The following ANKRD11 variants were observed in gnomAD, a reference collection of about 807,000 sequenced individuals.
ANKRD11 encodes ankyrin repeat domain 11, also known as ankyrin repeat domain-containing protein 11.
In ANKRD11, 17 loss-of-function variants were observed where a neutral mutation model predicts 195.7. The ratio of observed to expected loss-of-function variants is 0.09; its 90% CI spans 0.06 to 0.13. The LOEUF (loss-of-function observed/expected upper bound fraction) is 0.13, where lower values mean the gene tolerates loss of function less well. Among genes scored for constraint, ANKRD11 ranks in the 10% least tolerant of loss-of-function variants. The pLI, the probability that ANKRD11 is intolerant of heterozygous loss-of-function variation, is 1.00. For synonymous variants in ANKRD11, 1,953 were observed against 1,528.1 expected, an observed-to-expected ratio of 1.28 and a Z score of -6.49; for missense variants, 3,735 against 3,566.1, an observed-to-expected ratio of 1.05 and a Z score of -1.21.
chr16:89,394,768 T>G (rs1330150439), intron 2 of ANKRD11, among the ~76,000 whole-genome samples: 2 of 152,138 alleles, frequency 1.3e-5, no homozygotes, highest in African/African-American at 4.8e-5. Flanking sequence ...TGCTGTAAAA[T>G]TACACACAGC....
chr16:89,328,252 G>A (rs982291822), intron 2 of ANKRD11, among the ~76,000 whole-genome samples: 3 of 152,220 alleles, frequency 2.0e-5, no homozygotes, highest in Admixed American at 6.5e-5. Context: ...CTGTGGGAAC[G>A]CAAAGTGGTG....
chr16:89,348,563 G>C (rs547347881), intron 2 of ANKRD11, among the ~76,000 whole-genome samples: 1 of 152,178 alleles, frequency 6.6e-6, no homozygotes, highest in Admixed American at 6.5e-5. Flanking sequence ...GACCAAGTCA[G>C]TCATCCGGGA....
intron 2 of ANKRD11, among the ~76,000 whole-genome samples, chr16:89,377,565 C>T (rs2040478158): frequency 6.6e-6 from 1 of 152,104 alleles, no homozygotes; most frequent in Admixed American, 6.5e-5. Flanking sequence ...AATTAGAAGA[C>T]AACCTGGTGG....
Position 89,281,571 on chromosome 16 carries a change from C to T in ANKRD11, c.4971G>A (p.Ser1657=). The T allele has an allele frequency of 2.5e-6, 4 of 1,614,170 alleles. No individual in the cohort carries two copies. The highest frequency in any genetic ancestry group is 2.2e-5 in the East Asian group (1 of 44,872). ...PPFKDKKLKE[S]TPIPPAAENK... ...TTTCCGCGGCAGGTGGAATAGGAGT[C>T]GACTCTTTGAGCTTTTTGTCTTTAA... The change falls in exon 9 of 13, where the codon TCG becomes TCA. Residue 1657 remains serine, a synonymous_variant. Coordinates refer to ENST00000301030, the MANE Select transcript of ANKRD11 (RefSeq NM_013275.6). The surrounding 1 kb of genome is among the most constrained non-coding windows in gnomAD (Gnocchi z 5.5).
At chr16:89,296,822 G>A (rs1277137391) in intron 4 of ANKRD11, among the ~76,000 whole-genome samples, 1 of 152,190 alleles carries the variant, frequency 6.6e-6, no homozygotes, top group Non-Finnish European at 1.5e-5. Context: ...GGGAGTGTGG[G>A]GCACTTCCAG....
In ANKRD11 at chr16:89,304,609, C is replaced by T. The variant is rs180693246; in HGVS notation, c.226+597G>A. On this transcript the variant is annotated intron_variant, in intron 4 of 12. Coordinates refer to ENST00000301030, the MANE Select transcript of ANKRD11 (RefSeq NM_013275.6). ...GTACATACACACACGGGCACACACA[C>T]GGGCATACATACAGGCACACACATG... Among the ~76,000 whole-genome samples the T allele has an allele frequency of 5.0e-4, 76 of 151,560 alleles. No individual in the cohort carries two copies. The South Asian group carries it at 0.015, about 30-fold the overall frequency.
chr16:89,350,726 A>T (rs1352958456), intron 2 of ANKRD11, among the ~76,000 whole-genome samples: 1 of 152,206 alleles, frequency 6.6e-6, no homozygotes, highest in Non-Finnish European at 1.5e-5. Context: ...TGATGGTGGG[A>T]ACAAGACAGT....
chr16:89,442,917 T>C (rs1332019985), intron 1 of ANKRD11, among the ~76,000 whole-genome samples: 1 of 152,236 alleles, frequency 6.6e-6, no homozygotes, highest in Non-Finnish European at 1.5e-5. Context: ...GCACCCAGCC[T>C]CTGCCTCTTT....
chr16:89,452,248 ACT>A lies in ANKRD11; in HGVS notation c.-144-33882_-144-33881del, dbSNP rs200639940. Among the ~76,000 whole-genome samples the A allele has an allele frequency of 8.3e-3, 1,267 of 152,206 alleles. 9 individuals are homozygous for A. Among genetic ancestry groups the A allele is most frequent in the Non-Finnish European group, 0.014 (959 of 68,006 alleles). On this transcript the variant is annotated intron_variant, in intron 1 of 12. Transcript: ENST00000301030. ...ACTCCAGCCTGGGCAACAGAGTGAGACTCTGTCTCAAAATAAAACAAAAAAAA... is the reference window on the plus strand; with the variant it reads ...ACTCCAGCCTGGGCAACAGAGTGAGACTGTCTCAAAATAAAACAAAAAAAA...
intron 1 of ANKRD11, among the ~76,000 whole-genome samples, chr16:89,490,012 G>C (rs1401165505): frequency 1.2e-5 from 1 of 81,748 alleles, no homozygotes; most frequent in Non-Finnish European, 2.7e-5. Context: ...GGCCCCCAAA[G>C]ACCCCCGGCT....
intron 1 of ANKRD11, among the ~76,000 whole-genome samples, chr16:89,454,039 A>G (rs1253428379): frequency 1.3e-5 from 2 of 152,200 alleles, no homozygotes; most frequent in Non-Finnish European, 2.9e-5. Context: ...CCCGGCAGGT[A>G]GTACATGTTT....
chr16:89,464,877 A>T (rs1445914341), intron 1 of ANKRD11, among the ~76,000 whole-genome samples: 1 of 152,180 alleles, frequency 6.6e-6, no homozygotes, highest in East Asian at 1.9e-4. Context: ...AAAAACCAAT[A>T]AAGCTACACA....
At chr16:89,354,685 C>G (rs1460509077) in intron 2 of ANKRD11, among the ~76,000 whole-genome samples, 2 of 152,204 alleles carry the variant, frequency 1.3e-5, no homozygotes, top group African/African-American at 4.8e-5. Context: ...AGTTCAAGAC[C>G]AGCCTGGCTA....
intron 1 of ANKRD11, among the ~76,000 whole-genome samples, chr16:89,419,316 G>A (rs2042421992): frequency 6.6e-6 from 1 of 151,952 alleles, no homozygotes; most frequent in South Asian, 2.1e-4. Context: ...AACCAGGTGT[G>A]GTGGCTTGTA....
At chr16:89,383,013 C>T (rs906650611) in intron 2 of ANKRD11, among the ~76,000 whole-genome samples, 1 of 152,112 alleles carries the variant, frequency 6.6e-6, no homozygotes, top group Non-Finnish European at 1.5e-5. Flanking sequence ...GCTTGTAAAG[C>T]GTAACTTTTA....
chr16:89,291,237 C>T lies in ANKRD11; in HGVS notation c.227-54G>A. On this transcript the variant is annotated intron_variant, in intron 4 of 12. Coordinates refer to ENST00000301030, the MANE Select transcript of ANKRD11 (RefSeq NM_013275.6). The surrounding 1 kb of genome is among the most constrained non-coding windows in gnomAD (Gnocchi z 5.3). Reference sequence around the variant, plus strand: ...GAGAGATTTCATGCCATGGTGTCCTCCAAAGCTAGGTCCTTACCTAATGTT... The same window carrying T: ...GAGAGATTTCATGCCATGGTGTCCTTCAAAGCTAGGTCCTTACCTAATGTT... The T allele has an allele frequency of 1.2e-6, 2 of 1,604,130 alleles. No individual in the cohort carries two copies. Among genetic ancestry groups the T allele is most frequent in the Admixed American group, 1.7e-5 (1 of 59,926 alleles).
At chr16:89,305,380 C>G (rs772745915) in intron 3 of ANKRD11, 36 bp from the exon 4 acceptor site, 1 of 1,613,444 alleles carries the variant, frequency 6.2e-7, no homozygotes. Flanking sequence ...TCGTGATGTC[C>G]AAATTACATT....
intron 2 of ANKRD11, among the ~76,000 whole-genome samples, chr16:89,368,863 G>C (rs896529364): frequency 1.3e-5 from 2 of 152,130 alleles, no homozygotes; most frequent in African/African-American, 2.4e-5. Flanking sequence ...CCAAGCCACT[G>C]CACTCAAATC....
intron 11 of ANKRD11, among the ~76,000 whole-genome samples, chr16:89,273,452 C>T (rs1343705927): frequency 6.6e-6 from 1 of 152,034 alleles, no homozygotes; most frequent in African/African-American, 2.4e-5. Context: ...CTGTAACTCC[C>T]GCACTTTGGG....
Sources: allele counts gnomAD v4.1 joint callset (sites outside exome capture counted in the v4.1 genomes callset), GRCh38; gene constraint gnomAD v4.1.1; non-coding constraint Gnocchi (gnomAD v3.1); transcripts MANE v1.5; gene names NCBI Gene and HGNC (gene_info 2026-07-23, HGNC 2026-07-21).